The following KCNQ3 variants were observed in gnomAD, a reference collection of about 807,000 sequenced individuals.
KCNQ3 encodes potassium voltage-gated channel subfamily KQT member 3.
A neutral mutation model predicts 92.5 loss-of-function variants in KCNQ3; 30 were observed. That is an observed-to-expected ratio of 0.32 (90% CI 0.24 to 0.44). KCNQ3 has a LOEUF of 0.44. Ranked by LOEUF, KCNQ3 falls within the 20% of genes least tolerant of loss-of-function variation. KCNQ3 has a pLI of 1.00. For synonymous variants in KCNQ3, 450 were observed against 468.8 expected (o/e 0.96, Z 0.52); for missense variants, 913 against 1,140.3 (o/e 0.80, Z 2.87).
At chr8:132,383,618 G>C (rs1357478547) in intron 1 of KCNQ3, among the ~76,000 whole-genome samples, 3 of 152,174 alleles carry the variant, frequency 2.0e-5, no homozygotes, top group African/African-American at 7.2e-5. Flanking sequence ...AAACACTGGA[G>C]GGACAGACAG....
intron 1 of KCNQ3, among the ~76,000 whole-genome samples, chr8:132,411,909 G>A (rs1277538992): frequency 6.6e-6 from 1 of 152,230 alleles, no homozygotes; most frequent in Non-Finnish European, 1.5e-5. Flanking sequence ...GCTGCTGCTG[G>A]TGCCCCAGGC....
At chr8:132,208,081 C>T (rs1813725161) in intron 1 of KCNQ3, among the ~76,000 whole-genome samples, 1 of 152,074 alleles carries the variant, frequency 6.6e-6, no homozygotes, top group South Asian at 2.1e-4. Context: ...TCTCTAAATG[C>T]TCCTGGATTT....
rs7815891 is a variant in KCNQ3, at chr8:132,265,068, T to G, written c.387-78887A>C. 2.1e-5 allele frequency among the ~76,000 whole-genome samples: 3 copies of G among 146,340 alleles called. No individual in the cohort carries two copies. In the East Asian group the frequency reaches 6.4e-4, roughly 31 times the overall value. On this transcript the variant is annotated intron_variant, in intron 1 of 14. Coordinates refer to ENST00000388996, the MANE Select transcript of KCNQ3 (RefSeq NM_004519.4). ...ACCTGTAAAATGGGAATAGCTAACA[T>G]GTAGGGCTGCTAAAAGGACTGCTAA...
chr8:132,368,635 T>C lies in KCNQ3; in HGVS notation c.386+111512A>G, dbSNP rs191508496. On this transcript the variant is annotated intron_variant, in intron 1 of 14. Transcript: ENST00000388996. ...GCCACTGCACTCCAGCCTGAGAGAC[T>C]GAAAGAGACCCTGTCTCAAAAAAAA... is the stretch of plus-strand genomic sequence containing the variant. 7.9e-5 allele frequency among the ~76,000 whole-genome samples: 12 copies of C among 151,164 alleles called. No individual in the cohort carries two copies. The East Asian group carries it at 2.0e-3, about 25-fold the overall frequency.
In KCNQ3 at chr8:132,263,445, G is replaced by A. The variant is rs59148829; in HGVS notation, c.387-77264C>T. Among the ~76,000 whole-genome samples the A allele has an allele frequency of 4.2e-3, 636 of 152,236 alleles. 6 individuals carry two copies. Among genetic ancestry groups the A allele is most frequent in the African/African-American group, 0.014 (599 of 41,530 alleles). ...CCAGTTCCCTGAAGTGTGGGCAAGC[G>A]CTGTCCCAAGGACACCAGTCCATCA... On this transcript the variant is annotated intron_variant, in intron 1 of 14. Coordinates refer to ENST00000388996, the MANE Select transcript of KCNQ3 (RefSeq NM_004519.4).
At chr8:132,231,678 G>A (rs1002550971) in intron 1 of KCNQ3, among the ~76,000 whole-genome samples, 14 of 152,196 alleles carry the variant, frequency 9.2e-5, no homozygotes, top group African/African-American at 3.4e-4. Context: ...TCCAGACTAT[G>A]AGAAAATAAA....
chr8:132,414,960 C>T (rs1005780223), intron 1 of KCNQ3, among the ~76,000 whole-genome samples: 1 of 152,214 alleles, frequency 6.6e-6, no homozygotes, highest in Admixed American at 6.5e-5. Context: ...GAGCCCCAGA[C>T]CACCTCCCGG....
intron 1 of KCNQ3, among the ~76,000 whole-genome samples, chr8:132,233,493 T>C (rs1814705749): frequency 6.6e-6 from 1 of 152,192 alleles, no homozygotes; most frequent in South Asian, 2.1e-4. Context: ...TTAGGATGCA[T>C]TTTGGGTTAT....
intron 9 of KCNQ3, among the ~76,000 whole-genome samples, chr8:132,146,199 C>T (rs1281384169): frequency 6.6e-6 from 1 of 152,250 alleles, no homozygotes; most frequent in East Asian, 1.9e-4. Flanking sequence ...TTCATTGCAG[C>T]ATTATTCACA....
intron 1 of KCNQ3, among the ~76,000 whole-genome samples, chr8:132,382,077 G>C (rs757166040): frequency 6.6e-6 from 1 of 152,238 alleles, no homozygotes; most frequent in Non-Finnish European, 1.5e-5. Flanking sequence ...CCCAGGGCAG[G>C]CTGGCCAGAA....
chr8:132,335,008 TC>T (rs897700863), intron 1 of KCNQ3, among the ~76,000 whole-genome samples: 1 of 151,346 alleles, frequency 6.6e-6, no homozygotes, highest in Non-Finnish European at 1.5e-5. Context: ...CTTCCTTCCT[TC>T]CTTCCTTCCT....
chr8:132,307,571 A>G (rs546187905), intron 1 of KCNQ3, among the ~76,000 whole-genome samples: 7 of 152,350 alleles, frequency 4.6e-5, no homozygotes, highest in Non-Finnish European at 1.0e-4. Flanking sequence ...AAGACTTCCC[A>G]GAGGACCATG....
intron 13 of KCNQ3, among the ~76,000 whole-genome samples, 183 bp from the exon 14 acceptor site, chr8:132,132,447 A>G (rs1221183209): frequency 6.6e-6 from 1 of 152,266 alleles, no homozygotes. Flanking sequence ...GTTTTTCTGC[A>G]TTCAACACTG....
At chr8:132,257,621 C>T (rs535024684) in intron 1 of KCNQ3, among the ~76,000 whole-genome samples, 1 of 151,700 alleles carries the variant, frequency 6.6e-6, no homozygotes, top group East Asian at 1.9e-4. Flanking sequence ...GTGGCACGCA[C>T]CTGTAGTCCC....
intron 1 of KCNQ3, among the ~76,000 whole-genome samples, chr8:132,436,322 A>C (rs7834336): frequency 0.3 from 46,309 of 152,092 alleles, 7,274 homozygotes; most frequent in South Asian, 0.38. Context: ...GATGCTATAA[A>C]ATTTTTTAAC....
At chr8:132,438,359 G>A (rs1407688672) in intron 1 of KCNQ3, among the ~76,000 whole-genome samples, 1 of 152,014 alleles carries the variant, frequency 6.6e-6, no homozygotes, top group Non-Finnish European at 1.5e-5. Context: ...AGAAAACAGT[G>A]GCAGGATTTA....
At chr8:132,195,199 G>C (rs1827269160) in intron 1 of KCNQ3, among the ~76,000 whole-genome samples, 2 of 152,190 alleles carry the variant, frequency 1.3e-5, no homozygotes, top group South Asian at 4.1e-4. Flanking sequence ...CCTATGAGGT[G>C]TTAGGCACTA....
chr8:132,404,173 G>C (rs1156857934), intron 1 of KCNQ3, among the ~76,000 whole-genome samples: 1 of 152,172 alleles, frequency 6.6e-6, no homozygotes, highest in Non-Finnish European at 1.5e-5. Context: ...TGGGACAAAG[G>C]GATGCTCTGT....
At chr8:132,345,834 CTGATAA>C (rs1818671330) in intron 1 of KCNQ3, among the ~76,000 whole-genome samples, 1 of 151,490 alleles carries the variant, frequency 6.6e-6, no homozygotes, top group Admixed American at 6.6e-5. Flanking sequence ...AGGATGATGA[CTGATAA>C]TGATGATGAT....
Sources: gnomAD v4.1 joint callset for allele counts (sites outside exome capture counted in the v4.1 genomes callset) on GRCh38, gnomAD v4.1.1 for gene constraint, MANE v1.5 for transcripts, NCBI Gene and HGNC (gene_info 2026-07-23, HGNC 2026-07-21) for gene names.